Variants in MEF2B observed in about 807,000 individuals in gnomAD.
MEF2B encodes myocyte enhancer factor 2B, also known as myocyte-specific enhancer factor 2B.
Under a neutral mutation model 32.2 loss-of-function variants are expected in MEF2B, and 15 were observed. The ratio of observed to expected loss-of-function variants is 0.47; its 90% confidence interval spans 0.31 to 0.72. MEF2B has a LOEUF of 0.72. Among genes scored for constraint, MEF2B ranks in the 30% least tolerant of loss-of-function variants. MEF2B has a pLI of 0.05. For synonymous variants in MEF2B, 205 were observed against 225.6 expected (o/e 0.91, Z 0.82); for missense variants, 441 against 511.5 (o/e 0.86, Z 1.33).
chr19:19,149,520 C>T (rs992757143), intron 2 of MEF2B, 91 bp from the exon 3 acceptor site: 44 of 1,510,626 alleles, frequency 2.9e-5, no homozygotes, highest in African/African-American at 8.2e-5. Flanking sequence ...AACCCTTCCT[C>T]GAACATGCCT....
At chr19:19,148,118 C>G (rs2060042800) in intron 3 of MEF2B, among the ~76,000 whole-genome samples, 1 of 152,288 alleles carries the variant, frequency 6.6e-6, no homozygotes, top group Non-Finnish European at 1.5e-5. Flanking sequence ...CCTGACATGA[C>G]TCCAGGACCT....
At chr19:19,146,449 C>T (rs1253503758) in intron 7 of MEF2B, 65 bp from the exon 8 acceptor site, 1 of 1,281,926 alleles carries the variant, frequency 7.8e-7, no homozygotes, top group African/African-American at 1.5e-5. Flanking sequence ...AACCTAACCA[C>T]CCCCAGTGAC....
chr19:19,152,297 A>C (rs1438329780), intron 1 of MEF2B, among the ~76,000 whole-genome samples: 1 of 149,178 alleles, frequency 6.7e-6, no homozygotes, highest in Non-Finnish European at 1.5e-5. Context: ...GTCGTGGCGC[A>C]CACCTGTAGT....
intron 1 of MEF2B, among the ~76,000 whole-genome samples, chr19:19,165,370 G>A (rs1341431544): frequency 6.6e-6 from 1 of 152,150 alleles, no homozygotes; most frequent in Non-Finnish European, 1.5e-5. Flanking sequence ...TTGAACCCGG[G>A]AGGCGGAGAT....
At chr19:19,159,189 T>A (rs1027638798) in intron 1 of MEF2B, among the ~76,000 whole-genome samples, 2 of 144,192 alleles carry the variant, frequency 1.4e-5, no homozygotes, top group African/African-American at 5.2e-5. Context: ...GATCCACCAG[T>A]CTCGGCCTCC....
rs1162422393 is a variant in MEF2B, at chr19:19,168,208, C to A, written c.-30+1997G>T. 2.0e-5 allele frequency among the ~76,000 whole-genome samples: 3 copies of A among 152,264 alleles called. No individual in the cohort carries two copies. The East Asian group carries it at 5.8e-4, about 29-fold the overall frequency. ...CAAGGTCCAGGGGCCCTGCCCTTCC[C>A]CAGGGATGATTCTTGGCCAGGCTAG... On this transcript the variant is annotated intron_variant, in intron 1 of 8. Coordinates refer to ENST00000424583, the MANE Select transcript of MEF2B (RefSeq NM_001145785.2).
At chr19:19,146,720 G>GCCACACC (rs1216722233) in intron 6 of MEF2B, 22 bp downstream of exon 6, 2 of 1,613,802 alleles carry the variant, frequency 1.2e-6, no homozygotes, top group Admixed American at 3.3e-5. Flanking sequence ...CATCAGCCCT[G>GCCACACC]CCACACCCTC....
At chr19:19,152,409 A>AAGAAAG (rs369160322) in intron 1 of MEF2B, among the ~76,000 whole-genome samples, 13 of 151,898 alleles carry the variant, frequency 8.6e-5, no homozygotes, top group African/African-American at 2.9e-4. Context: ...GAAAAAGAAA[A>AAGAAAG]AGAAAAAGAA....
rs966225214 is a variant in MEF2B, at chr19:19,147,088, G to A, written c.489C>T (p.Ala163=). ...DPSGLGEALP[A]QSRPSPFRPA... ...GTCGGAAGGGAGATGGGCGGCTCTGGGCGGGCAGTGCTTCCCCAAGCCCAC... is the reference window on the plus strand; with the variant it reads ...GTCGGAAGGGAGATGGGCGGCTCTGAGCGGGCAGTGCTTCCCCAAGCCCAC... Residue 163 remains alanine, a synonymous_variant, in exon 5 of 9, where the codon GCC becomes GCT. Coordinates refer to ENST00000424583, the MANE Select transcript of MEF2B (RefSeq NM_001145785.2). 6.2e-7 allele frequency: 1 copy of A among 1,609,524 alleles called. No individual in the cohort carries two copies. Among genetic ancestry groups the A allele is most frequent in the East Asian group, 2.2e-5 (1 of 44,816 alleles).
chr19:19,150,922 C>T (rs151255423), intron 1 of MEF2B, among the ~76,000 whole-genome samples, 158 bp from the exon 2 acceptor site: 60 of 152,276 alleles, frequency 3.9e-4, no homozygotes, highest in African/African-American at 1.4e-3. Flanking sequence ...ACCCCGCCCC[C>T]GGCCAGCCTT....
chr19:19,147,626 G>T, intron 4 of MEF2B, 72 bp downstream of exon 4: 1 of 1,580,484 alleles, frequency 6.3e-7, no homozygotes, highest in Non-Finnish European at 8.6e-7. Context: ...CCCTCTCTCA[G>T]TACCAGCCTC....
intron 3 of MEF2B, 37 bp downstream of exon 3, chr19:19,149,189 G>C: frequency 6.2e-7 from 1 of 1,609,066 alleles, no homozygotes; most frequent in Non-Finnish European, 8.5e-7. Flanking sequence ...CAGCGTGCAC[G>C]GGGCCTTGTG....
intron 1 of MEF2B, among the ~76,000 whole-genome samples, chr19:19,164,522 G>T (rs1388812896): frequency 6.6e-6 from 1 of 152,186 alleles, no homozygotes; most frequent in African/African-American, 2.4e-5. Flanking sequence ...TGCCAAGAAG[G>T]CCTGTTCCAG....
At chr19:19,162,676 G>T (rs897064712) in intron 1 of MEF2B, among the ~76,000 whole-genome samples, 19 of 152,256 alleles carry the variant, frequency 1.2e-4, no homozygotes, top group African/African-American at 4.3e-4. Flanking sequence ...TCCTGGGAGG[G>T]ACAGCTCCTG....
Position 19,150,812 on chromosome 19 carries a change from G to T in MEF2B, c.-29-48C>A, listed in dbSNP as rs764315620. ...ACAGAGTGAGTGGGTGGAGAGTGGG[G>T]AGGGGTACCCCAGCCTCACACCTCT... On this transcript the variant is annotated intron_variant, in intron 1 of 8. Coordinates refer to ENST00000424583, the MANE Select transcript of MEF2B (RefSeq NM_001145785.2). 6 of 1,606,950 alleles carry T rather than the reference G, an allele frequency of 3.7e-6. No individual in the cohort carries two copies. In the East Asian group the frequency reaches 8.9e-5, roughly 24 times the overall value.
chr19:19,146,109 G>T, intron 8 of MEF2B, 87 bp from the exon 9 acceptor site: 2 of 1,176,502 alleles, frequency 1.7e-6, no homozygotes, highest in South Asian at 1.8e-5. Context: ...CAAAGGCTTG[G>T]CAGGAGGACC....
At chr19:19,152,843 T>A (rs1308997786) in intron 1 of MEF2B, among the ~76,000 whole-genome samples, 1 of 152,202 alleles carries the variant, frequency 6.6e-6, no homozygotes, top group Non-Finnish European at 1.5e-5. Context: ...AGATATGGCA[T>A]GCTGTGTGAC....
intron 1 of MEF2B, among the ~76,000 whole-genome samples, chr19:19,161,247 C>G (rs1162357536): frequency 6.6e-6 from 1 of 151,988 alleles, no homozygotes; most frequent in Non-Finnish European, 1.5e-5. Context: ...TTGCGGGCCC[C>G]AAAAAGTCCC....
chr19:19,166,018 C>CG (rs2060204615), intron 1 of MEF2B, among the ~76,000 whole-genome samples: 1 of 152,094 alleles, frequency 6.6e-6, no homozygotes, highest in South Asian at 2.1e-4. Flanking sequence ...ACTGTCTGCC[C>CG]GGGCCCACAC....
Sources: gnomAD v4.1 joint callset for allele counts (sites outside exome capture counted in the v4.1 genomes callset) on GRCh38, gnomAD v4.1.1 for gene constraint, MANE v1.5 for transcripts, NCBI Gene and HGNC (gene_info 2026-07-23, HGNC 2026-07-21) for gene names.